TBC1D22A: variants seen among roughly 807,000 people sequenced by gnomAD.
The protein encoded by TBC1D22A is TBC1 domain family member 22A.
Under a neutral mutation model 60.2 loss-of-function variants are expected in TBC1D22A, and 38 were observed. The ratio of observed to expected loss-of-function variants is 0.63; its 90% CI spans 0.49 to 0.83. The LOEUF (loss-of-function observed/expected upper bound fraction) is 0.83. Ranked by LOEUF, TBC1D22A falls within the 40% of genes least tolerant of loss-of-function variation. TBC1D22A has a pLI of 0.00. For missense variants in TBC1D22A, 628 were observed against 701.0 expected, an observed-to-expected ratio of 0.90 and a Z score of 1.18; for synonymous variants, 302 against 281.7, an observed-to-expected ratio of 1.07 and a Z score of -0.72.
Position 47,101,674 on chromosome 22 carries a change from G to A in TBC1D22A, c.1330-9834G>A, listed in dbSNP as rs546364990. On this transcript the variant is annotated intron_variant, in intron 11 of 12. Transcript: ENST00000337137. The stretch of plus-strand genomic sequence containing the variant: ...AGTGCTAGGGCTGTAACAGACCGGC[G>A]CCAGCAGGAACAGGCCCAGCACTGG... 1.3e-4 allele frequency among the ~76,000 whole-genome samples: 20 copies of A among 152,308 alleles called. No individual in the cohort carries two copies. The South Asian group carries it at 3.3e-3, about 25-fold the overall frequency.
At chr22:46,909,475 A>G (rs2069742439) in intron 7 of TBC1D22A, among the ~76,000 whole-genome samples, 1 of 152,144 alleles carries the variant, frequency 6.6e-6, no homozygotes, top group African/African-American at 2.4e-5. Flanking sequence ...AGCTGGGTCC[A>G]GTGGCTGCTG....
At chr22:47,036,612 C>G (rs1022723090) in intron 10 of TBC1D22A, among the ~76,000 whole-genome samples, 2 of 152,230 alleles carry the variant, frequency 1.3e-5, no homozygotes, top group Non-Finnish European at 2.9e-5. Context: ...CGGTTGGGTC[C>G]AGGCATAGGT....
chr22:46,837,392 T>C (rs925401412), intron 4 of TBC1D22A, among the ~76,000 whole-genome samples: 1 of 152,168 alleles, frequency 6.6e-6, no homozygotes, highest in African/African-American at 2.4e-5. Context: ...ATGGACCAAA[T>C]GGACCTAACA....
At chr22:46,774,812 C>T (rs1169049354) in intron 1 of TBC1D22A, among the ~76,000 whole-genome samples, 1 of 152,208 alleles carries the variant, frequency 6.6e-6, no homozygotes, top group African/African-American at 2.4e-5. Context: ...CTTGCTCATG[C>T]TTGGGTTCAT....
At chr22:46,984,059 G>A (rs2074618058) in intron 9 of TBC1D22A, among the ~76,000 whole-genome samples, 1 of 151,916 alleles carries the variant, frequency 6.6e-6, no homozygotes, top group South Asian at 2.1e-4. Flanking sequence ...GTTTAAACTT[G>A]GTATCCAGTG....
chr22:47,143,868 C>T (rs1388669186), intron 12 of TBC1D22A, among the ~76,000 whole-genome samples: 1 of 152,250 alleles, frequency 6.6e-6, no homozygotes, highest in Admixed American at 6.5e-5. Flanking sequence ...TCCGCTTCTC[C>T]TGCAGAGATA....
At chr22:46,961,707 C>T (rs940994283) in intron 8 of TBC1D22A, among the ~76,000 whole-genome samples, 6 of 152,128 alleles carry the variant, frequency 3.9e-5, no homozygotes, top group Admixed American at 2.0e-4. Context: ...ATTCAGTAGC[C>T]GTTTTCTTCA....
At chr22:46,836,323 G>A (rs768342786) in intron 4 of TBC1D22A, among the ~76,000 whole-genome samples, 5 of 152,142 alleles carry the variant, frequency 3.3e-5, no homozygotes, top group Non-Finnish European at 5.9e-5. Flanking sequence ...AGCAAAATGT[G>A]CATGTGTGTA....
chr22:46,827,798 C>T (rs1420091532), intron 4 of TBC1D22A, among the ~76,000 whole-genome samples: 1 of 152,110 alleles, frequency 6.6e-6, no homozygotes, highest in Non-Finnish European at 1.5e-5. Flanking sequence ...GGATGATGGG[C>T]CACTTTCTAC....
At chr22:46,972,706 G>A (rs148284783) in intron 8 of TBC1D22A, among the ~76,000 whole-genome samples, 1 of 152,328 alleles carries the variant, frequency 6.6e-6, no homozygotes, top group Non-Finnish European at 1.5e-5. Context: ...TCTGGAACTA[G>A]CGGTGACGCT....
At chr22:47,150,370 C>T (rs574295220) in intron 12 of TBC1D22A, among the ~76,000 whole-genome samples, 11 of 152,240 alleles carry the variant, frequency 7.2e-5, no homozygotes, top group East Asian at 3.9e-4. Context: ...TGAGGCCCCC[C>T]GAGTTCATCT....
At chr22:47,125,344 G>A (rs781772114) in intron 12 of TBC1D22A, among the ~76,000 whole-genome samples, 3 of 152,182 alleles carry the variant, frequency 2.0e-5, no homozygotes, top group African/African-American at 4.8e-5. Flanking sequence ...GCTAAGAGGC[G>A]TGCCCTGGAG....
intron 10 of TBC1D22A, among the ~76,000 whole-genome samples, chr22:47,021,347 C>T (rs1476116925): frequency 2.1e-5 from 3 of 141,802 alleles, no homozygotes; most frequent in African/African-American, 8.0e-5. Flanking sequence ...GAGCAGGGAA[C>T]CTAGCAGAAC....
At chr22:46,965,046 G>A (rs1040650609) in intron 8 of TBC1D22A, among the ~76,000 whole-genome samples, 2 of 152,230 alleles carry the variant, frequency 1.3e-5, no homozygotes, top group Admixed American at 1.3e-4. Context: ...GATGAGGAAA[G>A]GGACTTAGGC....
At chr22:46,926,200 C>A (rs1228098049) in intron 8 of TBC1D22A, among the ~76,000 whole-genome samples, 3 of 152,018 alleles carry the variant, frequency 2.0e-5, no homozygotes, top group Non-Finnish European at 4.4e-5. Context: ...TTGTAACGGA[C>A]TATATTAAAA....
intron 7 of TBC1D22A, among the ~76,000 whole-genome samples, chr22:46,895,525 C>T (rs1175385998): frequency 6.6e-6 from 1 of 152,322 alleles, no homozygotes; most frequent in African/African-American, 2.4e-5. Context: ...GCACCCACCA[C>T]CACGCCCGGC....
intron 7 of TBC1D22A, among the ~76,000 whole-genome samples, chr22:46,908,067 G>A (rs959898114): frequency 3.3e-5 from 5 of 152,318 alleles, no homozygotes; most frequent in Non-Finnish European, 5.9e-5. Flanking sequence ...GCATTGTCTC[G>A]TCAGGGTCTT....
At chr22:46,920,663 T>G (rs1348143265) in intron 8 of TBC1D22A, among the ~76,000 whole-genome samples, 3 of 152,222 alleles carry the variant, frequency 2.0e-5, no homozygotes. Context: ...CTCTGTTGAA[T>G]TGGATCCCTA....
intron 8 of TBC1D22A, among the ~76,000 whole-genome samples, chr22:46,921,554 C>T (rs934148243): frequency 2.6e-5 from 4 of 152,130 alleles, no homozygotes; most frequent in African/African-American, 7.2e-5. Context: ...TGAACATACA[C>T]GTGTATGTGT....
Sources: gnomAD v4.1 joint callset for allele counts (sites outside exome capture counted in the v4.1 genomes callset) on GRCh38, gnomAD v4.1.1 for gene constraint, MANE v1.5 for transcripts, NCBI Gene and HGNC (gene_info 2026-07-23, HGNC 2026-07-21) for gene names.